KIAA1958: variants seen among roughly 807,000 people sequenced by gnomAD.
The protein encoded by KIAA1958 is uncharacterized protein KIAA1958.
In KIAA1958, 14 loss-of-function variants were observed where a neutral mutation model predicts 47.2. That is an observed-to-expected ratio of 0.30 (90% CI 0.20 to 0.46). The LOEUF is 0.46. KIAA1958 is among the 20% of genes least tolerant of loss of function. The pLI is 1.00. For synonymous variants in KIAA1958, 354 were observed against 353.3 expected, an observed-to-expected ratio of 1.00 and a Z score of -0.02; for missense variants, 803 against 909.2, an observed-to-expected ratio of 0.88 and a Z score of 1.50.
At chr9:112,522,796 A>G (rs1162816409) in intron 1 of KIAA1958, among the ~76,000 whole-genome samples, 1 of 152,174 alleles carries the variant, frequency 6.6e-6, no homozygotes, top group Non-Finnish European at 1.5e-5. Context: ...CCTAGTTGAG[A>G]AGGTCTCAGC....
rs1483381664 is a variant in KIAA1958, at chr9:112,486,861, GCGGAGCTCGGGGCGCA to G, written c.-275_-260del. Reference sequence around the variant, plus strand: ...GCCCGCCGCGCTCCGAGCCGGGCGCGCGGAGCTCGGGGCGCACGGAGCGGCGCGCGGCGGTCGGCCG... The same window carrying G: ...GCCCGCCGCGCTCCGAGCCGGGCGCGCGGAGCGGCGCGCGGCGGTCGGCCG... On this transcript the variant is annotated 5_prime_UTR_variant, in exon 1 of 4. Coordinates refer to ENST00000337530, the MANE Select transcript of KIAA1958 (RefSeq NM_133465.4). 1.4e-5 allele frequency: 2 copies of G among 138,298 alleles called. No individual in the cohort carries two copies. Among genetic ancestry groups the G allele is most frequent in the Non-Finnish European group, 3.2e-5 (2 of 63,074 alleles). The allele number at this position is 138,298 out of a possible 1,614,324, so 8.6% of individuals were successfully genotyped here.
intron 2 of KIAA1958, among the ~76,000 whole-genome samples, chr9:112,579,689 A>G (rs894061215): frequency 4.6e-5 from 7 of 152,206 alleles, no homozygotes; most frequent in African/African-American, 1.7e-4. Flanking sequence ...TCAGAAAGAA[A>G]TGTAGTCTAA....
chr9:112,550,605 G>C (rs1233311669), intron 1 of KIAA1958, among the ~76,000 whole-genome samples: 1 of 152,184 alleles, frequency 6.6e-6, no homozygotes, highest in East Asian at 1.9e-4. Flanking sequence ...GCAGGGAAAA[G>C]GCAGACGGAT....
Position 112,661,489 on chromosome 9 carries a change from C to T in KIAA1958, c.*1420C>T, listed in dbSNP as rs892974821. 19 of 152,162 alleles carry T rather than the reference C, an allele frequency of 1.2e-4. No individual in the cohort carries two copies. Among genetic ancestry groups the T allele is most frequent in the African/African-American group, 4.6e-4 (19 of 41,436 alleles). 9.4% of individuals were successfully genotyped at this position (152,162 alleles called of 1,614,324 possible). A position where few individuals can be genotyped will look rare whatever the true frequency, so the allele number is the denominator to read the frequency against. ...TATGCTTTCTAATCCCAAATTAAAA[C>T]TCTAATACAAATTCATTTTGTAGAA... is the stretch of plus-strand genomic sequence containing the variant. On this transcript the variant is annotated 3_prime_UTR_variant, in exon 4 of 4. Coordinates refer to ENST00000337530, the MANE Select transcript of KIAA1958 (RefSeq NM_133465.4).
chr9:112,541,678 G>T (rs896387855), intron 1 of KIAA1958, among the ~76,000 whole-genome samples: 4 of 151,976 alleles, frequency 2.6e-5, no homozygotes, highest in Admixed American at 2.6e-4. Context: ...ATGGTGGTGG[G>T]TGCCTGTAAT....
intron 1 of KIAA1958, among the ~76,000 whole-genome samples, chr9:112,550,759 TTTTA>T (rs1835127291): frequency 6.6e-6 from 1 of 152,166 alleles, no homozygotes; most frequent in African/African-American, 2.4e-5. Context: ...TGTCCAGGGT[TTTTA>T]TTTGTCAGTC....
At chr9:112,653,071 G>A (rs1246937827) in intron 3 of KIAA1958, among the ~76,000 whole-genome samples, 1 of 152,114 alleles carries the variant, frequency 6.6e-6, no homozygotes, top group Non-Finnish European at 1.5e-5. Context: ...TGTACAACAT[G>A]GAAAGGACCA....
intron 2 of KIAA1958, among the ~76,000 whole-genome samples, chr9:112,641,327 C>CTTT (rs1230148640): frequency 9.8e-5 from 10 of 101,968 alleles, no homozygotes; most frequent in African/African-American, 2.3e-4. Context: ...GAGACTATGT[C>CTTT]TTTTTTTTTT....
rs1294417014 is a variant in KIAA1958 at position 112,618,020 on chromosome 9, T to C, written c.1172-27630T>C. 3.2e-6 allele frequency: 5 copies of C among 1,550,326 alleles called. No homozygotes were observed. The African/African-American group carries it at 5.5e-5, about 17-fold the overall frequency. On this transcript the variant is annotated intron_variant, in intron 2 of 3. Transcript: ENST00000337530. This position sits in a 1 kb window ranked among gnomAD's most constrained non-coding sequence, Gnocchi z 7.1. ...GATTTATGTCATCCCTTGCAAGGAG[T>C]TGGATGCCTACCTTGCCTCTTTCTT...
At chr9:112,516,701 T>C (rs1043828824) in intron 1 of KIAA1958, among the ~76,000 whole-genome samples, 4 of 152,240 alleles carry the variant, frequency 2.6e-5, no homozygotes, top group African/African-American at 7.2e-5. Context: ...TCATGACTTA[T>C]TATAAAGTCA....
chr9:112,586,973 C>G (rs976965238), intron 2 of KIAA1958, among the ~76,000 whole-genome samples: 1 of 152,148 alleles, frequency 6.6e-6, no homozygotes, highest in African/African-American at 2.4e-5. Context: ...CAGCAGCCCC[C>G]TTCTCCCCAC....
rs369903617 is a variant in KIAA1958 at position 112,637,858 on chromosome 9, C to T, written c.1172-7792C>T. Among the ~76,000 whole-genome samples the T allele has an allele frequency of 5.3e-5, 8 of 152,028 alleles. 2 individuals are homozygous for T. Among genetic ancestry groups the T allele is most frequent in the African/African-American group, 1.9e-4 (8 of 41,500 alleles). ...TTTCCAGTTTCTTTTTAAACTTTCT[C>T]TTATGCTGGGCCAGGCGCGGTGGCT... is the stretch of plus-strand genomic sequence containing the variant. On this transcript the variant is annotated intron_variant, in intron 2 of 3. Transcript: ENST00000337530.
intron 1 of KIAA1958, among the ~76,000 whole-genome samples, chr9:112,540,264 A>G (rs10759577): frequency 0.39 from 59,366 of 151,982 alleles, 13,155 homozygotes; most frequent in Non-Finnish European, 0.52. Context: ...GAAATTTAGG[A>G]AAAGAAAACA....
At chr9:112,643,445 A>G (rs937331696) in intron 2 of KIAA1958, among the ~76,000 whole-genome samples, 1 of 152,240 alleles carries the variant, frequency 6.6e-6, no homozygotes, top group African/African-American at 2.4e-5. Context: ...GGCATATAGT[A>G]GGCATCAATT....
At chr9:112,542,725 T>A (rs3860168) in intron 1 of KIAA1958, among the ~76,000 whole-genome samples, 145,387 of 152,304 alleles carry the variant, frequency 0.95, 69,462 homozygotes, top group African/African-American at 0.99. Flanking sequence ...TATTTATTAC[T>A]GCATCTGCCC....
intron 1 of KIAA1958, among the ~76,000 whole-genome samples, chr9:112,507,695 T>C (rs1834254429): frequency 1.3e-5 from 2 of 152,168 alleles, no homozygotes; most frequent in Admixed American, 1.3e-4. Flanking sequence ...TTGTGTGACA[T>C]CAATCAAACA....
chr9:112,544,045 A>G (rs1469825940), intron 1 of KIAA1958, among the ~76,000 whole-genome samples: 2 of 152,036 alleles, frequency 1.3e-5, no homozygotes, highest in African/African-American at 4.8e-5. Context: ...AGCCTTGTCT[A>G]TGTCTCTATT....
At position 112,662,648 on chromosome 9, in the gene KIAA1958, C is replaced by G. The variant is rs564265618; in HGVS notation, c.*2579C>G. The G allele has an allele frequency of 7.2e-5, 11 of 152,230 alleles. No individual in the cohort carries two copies. Among genetic ancestry groups the G allele is most frequent in the Non-Finnish European group, 1.5e-4 (10 of 68,154 alleles). 9.4% of individuals were successfully genotyped at this position (152,230 alleles called of 1,614,324 possible). Reference sequence around the variant, plus strand: ...CTCTACTAAAAATACAAAAATTAGCCGGGCGTGGTGGCAGGTGCCTGTAAT... The same window carrying G: ...CTCTACTAAAAATACAAAAATTAGCGGGGCGTGGTGGCAGGTGCCTGTAAT... On this transcript the variant is annotated 3_prime_UTR_variant, in exon 4 of 4. Transcript: ENST00000337530.
At chr9:112,543,496 G>A (rs1834977253) in intron 1 of KIAA1958, among the ~76,000 whole-genome samples, 1 of 151,316 alleles carries the variant, frequency 6.6e-6, no homozygotes, top group African/African-American at 2.4e-5. Flanking sequence ...TCTGAGGTTT[G>A]TACAAAGGAA....
Sources: allele counts gnomAD v4.1 joint callset (sites outside exome capture counted in the v4.1 genomes callset), GRCh38; gene constraint gnomAD v4.1.1; non-coding constraint Gnocchi (gnomAD v3.1); transcripts MANE v1.5; gene names NCBI Gene and HGNC (gene_info 2026-07-23, HGNC 2026-07-21).